NUP93: variants seen among roughly 807,000 people sequenced by gnomAD.
NUP93 encodes nucleoporin 93.
Under a neutral mutation model 107.8 loss-of-function variants are expected in NUP93, and 55 were observed. The observed-to-expected ratio is 0.51, with a 90% CI of 0.41 to 0.64. The LOEUF (loss-of-function observed/expected upper bound fraction) is 0.64. NUP93 is among the 30% of genes least tolerant of loss of function. The pLI is 0.00. For missense variants in NUP93, 937 were observed against 1,044.7 expected (o/e 0.90, Z 1.42); for synonymous variants, 390 against 397.5 (o/e 0.98, Z 0.22).
chr16:56,832,160 C>T (rs1485794107), intron 11 of NUP93, 135 bp from the exon 12 acceptor site: 35 of 1,216,196 alleles, frequency 2.9e-5, no homozygotes. Flanking sequence ...TTGTGTAATT[C>T]CCAGCTCATA....
At chr16:56,777,345 A>G (rs1962433627) in intron 3 of NUP93, among the ~76,000 whole-genome samples, 1 of 152,118 alleles carries the variant, frequency 6.6e-6, no homozygotes, top group Non-Finnish European at 1.5e-5. Flanking sequence ...AGTCATATCA[A>G]AGTCAGAACC....
intron 5 of NUP93, among the ~76,000 whole-genome samples, chr16:56,815,034 G>C (rs1484003703): frequency 1.3e-5 from 2 of 152,190 alleles, no homozygotes; most frequent in Non-Finnish European, 2.9e-5. Flanking sequence ...TGAAGGATAG[G>C]TACCTTTGAA....
chr16:56,787,204 GAAAGAATGTTTGAAT>G (rs137907433), intron 3 of NUP93, among the ~76,000 whole-genome samples: 4,694 of 152,308 alleles, frequency 0.031, 87 homozygotes, highest in South Asian at 0.06. Flanking sequence ...CATTTTTGAA[GAAAGAATGTTTGAAT>G]AAGAAGAAAC....
In NUP93 at chr16:56,758,586, G is replaced by A. The variant is rs749805972; in HGVS notation, c.228G>A (p.Gln76=). The A allele has an allele frequency of 3.1e-6, 5 of 1,613,818 alleles. No homozygotes were observed. In the South Asian group the frequency reaches 5.5e-5, roughly 18 times the overall value. ...GACTTGACATATCCCACATCTCCCAGCGATTGGAGAGTCTGAGTGCAGCCA... is the reference window on the plus strand; with the variant it reads ...GACTTGACATATCCCACATCTCCCAACGATTGGAGAGTCTGAGTGCAGCCA... ...SRGLDISHIS[Q]RLESLSAATT... is the part of the protein sequence containing the mutation. Residue 76 remains glutamine, a synonymous_variant, in exon 3 of 22, where the codon CAG becomes CAA. Transcript: ENST00000308159.
At chr16:56,752,827 T>C (rs1358646906) in intron 2 of NUP93, among the ~76,000 whole-genome samples, 1 of 152,214 alleles carries the variant, frequency 6.6e-6, no homozygotes, top group African/African-American at 2.4e-5. Flanking sequence ...AATGGAATTA[T>C]TAATCCAGAT....
chr16:56,844,868 G>T lies in NUP93; in HGVS notation c.*259G>T. On this transcript the variant is annotated 3_prime_UTR_variant, in exon 22 of 22. Coordinates refer to ENST00000308159, the MANE Select transcript of NUP93 (RefSeq NM_014669.5). Reference sequence around the variant, plus strand: ...ATACCGTCACTAGCTCTTGGGCCAGGGAATGAGAGGCTATGTAGATATTCA... The same window carrying T: ...ATACCGTCACTAGCTCTTGGGCCAGTGAATGAGAGGCTATGTAGATATTCA... 2.5e-6 allele frequency: 1 copy of T among 400,610 alleles called. No homozygotes were observed. Among genetic ancestry groups the T allele is most frequent in the African/African-American group, 2.1e-5 (1 of 48,510 alleles). The allele number at this position is 400,610 out of a possible 1,614,324, so 24.8% of individuals were successfully genotyped here.
chr16:56,835,972 C>CA (rs1354027765), intron 16 of NUP93, among the ~76,000 whole-genome samples: 1 of 151,864 alleles, frequency 6.6e-6, no homozygotes, highest in Non-Finnish European at 1.5e-5. Flanking sequence ...ATTAAAAATA[C>CA]AAAAAAATTA....
At chr16:56,740,192 G>T (rs1177793005) in intron 1 of NUP93, among the ~76,000 whole-genome samples, 5 of 147,224 alleles carry the variant, frequency 3.4e-5, no homozygotes, top group African/African-American at 7.6e-5. Flanking sequence ...TCCCAGATGG[G>T]GTGGCTGCCG....
intron 4 of NUP93, among the ~76,000 whole-genome samples, chr16:56,804,507 A>G (rs530937371): frequency 2.0e-5 from 3 of 152,332 alleles, no homozygotes; most frequent in Admixed American, 6.5e-5. Context: ...AGAGTAGTCA[A>G]ATTCACAGAA....
chr16:56,770,502 G>C (rs1384851280), intron 3 of NUP93, among the ~76,000 whole-genome samples: 1 of 152,142 alleles, frequency 6.6e-6, no homozygotes, highest in Non-Finnish European at 1.5e-5. Flanking sequence ...GGCTTTAAGG[G>C]GGGAAAATTG....
intron 3 of NUP93, among the ~76,000 whole-genome samples, chr16:56,790,988 T>C (rs1232510049): frequency 3.3e-5 from 5 of 152,212 alleles, no homozygotes; most frequent in Non-Finnish European, 7.3e-5. Flanking sequence ...TTTGTGTTGA[T>C]GTTATTTTGA....
chr16:56,841,044 G>GT (rs1334787389), intron 20 of NUP93, among the ~76,000 whole-genome samples: 2 of 152,076 alleles, frequency 1.3e-5, no homozygotes, highest in Non-Finnish European at 2.9e-5. Context: ...AGTAAGGCCA[G>GT]TTCTGCACAT....
At chr16:56,811,671 A>G (rs765622272) in intron 5 of NUP93, among the ~76,000 whole-genome samples, 10 of 152,094 alleles carry the variant, frequency 6.6e-5, no homozygotes, top group African/African-American at 1.7e-4. Flanking sequence ...GGGTTTCACC[A>G]TATTGGCCAG....
In NUP93 at chr16:56,827,071, T is replaced by TAAAAAAAAAA. The variant is rs1567407800; in HGVS notation, c.795-1906_795-1905insAAAAAAAAAA. On this transcript the variant is annotated intron_variant, in intron 8 of 21. Coordinates refer to ENST00000308159, the MANE Select transcript of NUP93 (RefSeq NM_014669.5). ...AAAAAAAAAAAAAAAAAAAAAAAAT[T>TAAAAAAAAAA]TTGTTGAGTCTGTTTCCTGTTATTA... 6.7e-3 allele frequency among the ~76,000 whole-genome samples: 464 copies of TAAAAAAAAAA among 69,114 alleles called. 10 individuals are homozygous for TAAAAAAAAAA. The highest frequency in any genetic ancestry group is 0.023 in the African/African-American group (438 of 19,406). The allele number at this position is 69,114 out of a possible 152,430, so 45.3% of individuals were successfully genotyped here.
chr16:56,760,058 CCTT>C lies in NUP93; in HGVS notation c.297+1406_297+1408del, dbSNP rs759448716. Among the ~76,000 whole-genome samples the C allele has an allele frequency of 1.4e-4, 22 of 152,126 alleles. 1 individual carries two copies. Among genetic ancestry groups the C allele is most frequent in the Non-Finnish European group, 2.2e-4 (15 of 68,042 alleles). The stretch of plus-strand genomic sequence containing the variant: ...GAGTCATAATGATCATTTCATCTAA[CCTT>C]CTACTTAATGGAAGAATACTCTCCT... On this transcript the variant is annotated intron_variant, in intron 3 of 21. Coordinates refer to ENST00000308159, the MANE Select transcript of NUP93 (RefSeq NM_014669.5).
In NUP93 at chr16:56,832,315, C is replaced by T. The variant is rs141957979; in HGVS notation, c.1272C>T (p.Asp424=). ...LWLKLNQVCF[D]DDGTSSPQDR... ...TTTAGTTGAACCAAGTGTGTTTTGA[C>T]GACGATGGCACCAGCTCCCCACAAG... The change falls in exon 12 of 22, where the codon GAC becomes GAT. Residue 424 remains aspartate (D), a synonymous_variant. Transcript: ENST00000308159. 36 of 1,614,022 alleles carry T rather than the reference C, an allele frequency of 2.2e-5. No individual in the cohort carries two copies. The highest frequency in any genetic ancestry group is 1.9e-4 in the African/African-American group (14 of 75,002).
chr16:56,812,374 C>T (rs1026350140), intron 5 of NUP93, among the ~76,000 whole-genome samples: 18 of 151,922 alleles, frequency 1.2e-4, no homozygotes, highest in African/African-American at 3.4e-4. Flanking sequence ...GACAGAGTCT[C>T]GCTCTATTGC....
intron 13 of NUP93, among the ~76,000 whole-genome samples, 196 bp from the exon 14 acceptor site, chr16:56,833,931 GT>G (rs1963855500): frequency 6.6e-6 from 1 of 152,204 alleles, no homozygotes; most frequent in African/African-American, 2.4e-5. Flanking sequence ...GCAAAGTGCT[GT>G]TTTCTCCACT....
chr16:56,834,257 A>G lies in NUP93; in HGVS notation c.1664+3A>G. 2 of 1,614,030 alleles carry G rather than the reference A, an allele frequency of 1.2e-6. No homozygotes were observed. The highest frequency in any genetic ancestry group is 2.2e-5 in the South Asian group (2 of 91,086). ...CTCCAGTACTTCTATTTCCTCAGGT[A>G]ACATTTGCTTTTGACCATTTACTTC... On this transcript the variant is annotated splice_donor_region_variant and intron_variant, in intron 14 of 21. Transcript: ENST00000308159.
Sources: gnomAD v4.1 joint callset for allele counts (sites outside exome capture counted in the v4.1 genomes callset) on GRCh38, gnomAD v4.1.1 for gene constraint, MANE v1.5 for transcripts, NCBI Gene and HGNC (gene_info 2026-07-23, HGNC 2026-07-21) for gene names.